MTR: variants seen among roughly 807,000 people sequenced by gnomAD.
MTR encodes the protein 5-methyltetrahydrofolate-homocysteine methyltransferase.
A neutral mutation model predicts 154.8 loss-of-function variants in MTR; 84 were observed. The ratio of observed to expected loss-of-function variants is 0.54; its 90% CI spans 0.45 to 0.65. The LOEUF is 0.65. Ranked by LOEUF, MTR falls within the 30% of genes least tolerant of loss-of-function variation. MTR has a pLI of 0.00. For synonymous variants in MTR, 554 were observed against 553.9 expected, an observed-to-expected ratio of 1.00 and a Z score of 0.00; for missense variants, 1,275 against 1,570.2, an observed-to-expected ratio of 0.81 and a Z score of 3.18.
At chr1:236,812,865 C>T in intron 6 of MTR, 21 bp downstream of exon 6, 1 of 1,597,060 alleles carries the variant, frequency 6.3e-7, no homozygotes, top group Non-Finnish European at 8.6e-7. Context: ...GGAGAAAAAA[C>T]AGACAAGGCT....
intron 15 of MTR, among the ~76,000 whole-genome samples, chr1:236,845,724 A>C (rs562334807): frequency 1.3e-5 from 2 of 152,366 alleles, no homozygotes; most frequent in Admixed American, 6.5e-5. Context: ...ATGGAGCAGC[A>C]TGTATGCTCA....
Position 236,867,860 on chromosome 1 carries a change from A to G in MTR, c.2405+4306A>G, listed in dbSNP as rs150154151. Among the ~76,000 whole-genome samples the G allele has an allele frequency of 2.4e-3, 366 of 152,340 alleles. 1 individual carries two copies. Among genetic ancestry groups the G allele is most frequent in the African/African-American group, 7.9e-3 (329 of 41,582 alleles). On this transcript the variant is annotated intron_variant, in intron 22 of 32. Coordinates refer to ENST00000366577, the MANE Select transcript of MTR (RefSeq NM_000254.3). ...TGAATTGCTACAATCTCGTAATACA[A>G]CTTCAACAGATGAGGAATTGCTTCT...
intron 1 of MTR, among the ~76,000 whole-genome samples, chr1:236,796,025 T>A (rs1660364272): frequency 6.6e-6 from 1 of 150,922 alleles, no homozygotes; most frequent in Non-Finnish European, 1.5e-5. Context: ...AACTAAACTT[T>A]CCAGTTCCAC....
At chr1:236,811,332 A>G (rs1026657998) in intron 5 of MTR, among the ~76,000 whole-genome samples, 2 of 152,204 alleles carry the variant, frequency 1.3e-5, no homozygotes, top group Non-Finnish European at 2.9e-5. Context: ...GCCAAACCAT[A>G]TCAACATGTT....
chr1:236,816,040 CCT>C (rs1250360409), intron 7 of MTR, among the ~76,000 whole-genome samples: 1 of 152,186 alleles, frequency 6.6e-6, no homozygotes, highest in African/African-American at 2.4e-5. Flanking sequence ...AGTAGGCAGA[CCT>C]CTCTGCGAGT....
intron 15 of MTR, among the ~76,000 whole-genome samples, chr1:236,839,149 C>G (rs1198516366): frequency 6.6e-6 from 1 of 152,148 alleles, no homozygotes; most frequent in Non-Finnish European, 1.5e-5. Context: ...TCTTTGCATT[C>G]ATGGAGAAAG....
At chr1:236,895,905 A>G (rs1391150216) in intron 31 of MTR, among the ~76,000 whole-genome samples, 1 of 152,114 alleles carries the variant, frequency 6.6e-6, no homozygotes, top group Non-Finnish European at 1.5e-5. Flanking sequence ...TCCCTCAGTA[A>G]TGTCACTTTG....
intron 8 of MTR, among the ~76,000 whole-genome samples, chr1:236,817,067 A>G (rs1191272764): frequency 1.3e-5 from 2 of 152,206 alleles, no homozygotes; most frequent in South Asian, 2.1e-4. Context: ...AGCTTGGCCA[A>G]CATAGCAGGA....
At chr1:236,838,710 C>A in intron 15 of MTR, 111 bp downstream of exon 15, 10 of 1,114,318 alleles carry the variant, frequency 9.0e-6, no homozygotes, top group Non-Finnish European at 4.0e-6. Flanking sequence ...ACATTTATCT[C>A]TTTCCATATA....
intron 27 of MTR, among the ~76,000 whole-genome samples, 158 bp from the exon 28 acceptor site, chr1:236,889,023 A>G (rs1666172584): frequency 6.6e-6 from 1 of 152,194 alleles, no homozygotes; most frequent in Admixed American, 6.5e-5. Context: ...CTCCTTCTCC[A>G]CGATAATTTA....
intron 6 of MTR, among the ~76,000 whole-genome samples, chr1:236,813,545 A>G (rs573062361): frequency 6.6e-6 from 1 of 152,300 alleles, no homozygotes; most frequent in East Asian, 1.9e-4. Flanking sequence ...AGCACTGTGT[A>G]TTATTAAACT....
intron 15 of MTR, among the ~76,000 whole-genome samples, chr1:236,846,241 A>G (rs1663563496): frequency 6.6e-6 from 1 of 152,222 alleles, no homozygotes; most frequent in African/African-American, 2.4e-5. Flanking sequence ...CTATGGGACA[A>G]GTATACTGAC....
chr1:236,857,917 G>A (rs985624740), intron 18 of MTR, among the ~76,000 whole-genome samples: 1 of 152,236 alleles, frequency 6.6e-6, no homozygotes, highest in African/African-American at 2.4e-5. Context: ...TGCAGTGCTG[G>A]TGGTCCCTGC....
At chr1:236,854,402 A>G (rs990516215) in intron 18 of MTR, among the ~76,000 whole-genome samples, 1 of 152,352 alleles carries the variant, frequency 6.6e-6, no homozygotes, top group South Asian at 2.1e-4. Flanking sequence ...TCAGCACATT[A>G]CTTAAGAAAC....
At chr1:236,886,254 T>C (rs781764189) in intron 26 of MTR, 38 bp from the exon 27 acceptor site, 1 of 1,559,632 alleles carries the variant, frequency 6.4e-7, no homozygotes, top group African/African-American at 1.4e-5. Flanking sequence ...GTAGAAAAGC[T>C]AAGAGTGTCT....
chr1:236,821,249 T>C (rs10925240), intron 8 of MTR, among the ~76,000 whole-genome samples: 71,923 of 151,482 alleles, frequency 0.47, 18,912 homozygotes, highest in Non-Finnish European at 0.59. Context: ...AAGAGACTGT[T>C]TTGCTTTATA....
chr1:236,826,721 T>A, intron 10 of MTR, 108 bp from the exon 11 acceptor site: 1 of 838,834 alleles, frequency 1.2e-6, no homozygotes, highest in Non-Finnish European at 2.1e-6. Context: ...CTCTTTTTAG[T>A]ATAGTCTTAG....
Position 236,820,359 on chromosome 1 carries a change from G to T in MTR, c.765-3760G>T, listed in dbSNP as rs567902262. 26 of 765,318 alleles carry T rather than the reference G, an allele frequency of 3.4e-5. No homozygotes were observed. In the African/African-American group the frequency reaches 4.1e-4, roughly 12 times the overall value. The allele number at this position is 765,318 out of a possible 1,614,324, so 47.4% of individuals were successfully genotyped here. A position where few individuals can be genotyped will look rare whatever the true frequency, so the allele number is the denominator to read the frequency against. On this transcript the variant is annotated intron_variant, in intron 8 of 32. Coordinates refer to ENST00000366577, the MANE Select transcript of MTR (RefSeq NM_000254.3). Reference sequence around the variant, plus strand: ...CAGCTCCCGAGTTCACTGCTACTCGGCCTGAGGTTGCAGATTGGTCTGAGG... The same window carrying T: ...CAGCTCCCGAGTTCACTGCTACTCGTCCTGAGGTTGCAGATTGGTCTGAGG...
intron 24 of MTR, among the ~76,000 whole-genome samples, chr1:236,877,684 A>G (rs182931146): frequency 1.3e-5 from 2 of 152,224 alleles, no homozygotes; most frequent in Admixed American, 6.5e-5. Context: ...GCTATCACAA[A>G]CAATGCTGCT....
Sources: gnomAD v4.1 joint callset for allele counts (sites outside exome capture counted in the v4.1 genomes callset) on GRCh38, gnomAD v4.1.1 for gene constraint, MANE v1.5 for transcripts, NCBI Gene and HGNC (gene_info 2026-07-23, HGNC 2026-07-21) for gene names.